NAA35: variants seen among roughly 807,000 people sequenced by gnomAD.
NAA35 encodes MAK10 homolog, amino-acid N-acetyltransferase subunit.
A neutral mutation model predicts 101.7 loss-of-function variants in NAA35; 18 were observed. The ratio of observed to expected loss-of-function variants is 0.18; its 90% CI spans 0.12 to 0.26. The LOEUF is 0.26. Among genes scored for constraint, NAA35 ranks in the 10% least tolerant of loss-of-function variants. The pLI, the probability that NAA35 is intolerant of heterozygous loss-of-function variation, is 1.00. For synonymous variants in NAA35, 267 were observed against 273.1 expected (o/e 0.98, Z 0.22); for missense variants, 601 against 886.8 (o/e 0.68, Z 4.09).
At chr9:85,973,379 T>C (rs934002696) in intron 6 of NAA35, among the ~76,000 whole-genome samples, 6 of 152,180 alleles carry the variant, frequency 3.9e-5, no homozygotes, top group African/African-American at 1.4e-4. Context: ...ATATAAATTA[T>C]AGCAGGGACT....
intron 6 of NAA35, among the ~76,000 whole-genome samples, chr9:85,974,328 T>A (rs1256457358): frequency 5.3e-5 from 8 of 152,140 alleles, no homozygotes; most frequent in Non-Finnish European, 8.8e-5. Flanking sequence ...GACTTGTTAA[T>A]CAAATCAGCC....
chr9:85,948,775 G>T (rs772191235), intron 2 of NAA35, among the ~76,000 whole-genome samples: 22 of 150,674 alleles, frequency 1.5e-4, no homozygotes, highest in Non-Finnish European at 2.8e-4. Context: ...ATTTTTTTTT[G>T]ATGTGGAGTT....
intron 2 of NAA35, among the ~76,000 whole-genome samples, chr9:85,948,819 A>G (rs192631747): frequency 6.6e-6 from 1 of 151,922 alleles, no homozygotes; most frequent in Admixed American, 6.5e-5. Flanking sequence ...GTGCAATGGC[A>G]TGATCTCGGT....
rs79164669 is a variant in NAA35 at position 86,014,829 on chromosome 9, C to T, written c.1568+932C>T. On this transcript the variant is annotated intron_variant, in intron 17 of 22. Coordinates refer to ENST00000361671, the MANE Select transcript of NAA35 (RefSeq NM_024635.4). The stretch of plus-strand genomic sequence containing the variant: ...ATAATTTTCCTTGCTATATATTCTT[C>T]AACATTTATATAGATAATACCAAAT... Among the ~76,000 whole-genome samples the T allele has an allele frequency of 3.2e-3, 494 of 152,298 alleles. 8 individuals are homozygous for T. In the East Asian group the frequency reaches 0.033, roughly 10 times the overall value.
chr9:85,986,570 T>G lies in NAA35; in HGVS notation c.877+8189T>G, dbSNP rs570546049. ...ACTCTAAGCTTGTTTTTTGCCAATG[T>G]GTAGATCAGAGGTGTCCAATCTTTT... On this transcript the variant is annotated intron_variant, in intron 11 of 22. Transcript: ENST00000361671. 20 of 396,164 alleles carry G rather than the reference T, an allele frequency of 5.0e-5. No homozygotes were observed. In the East Asian group the frequency reaches 8.5e-4, roughly 17 times the overall value. 24.5% of individuals were successfully genotyped at this position (396,164 alleles called of 1,614,324 possible).
chr9:85,981,443 T>A (rs1161949556), intron 11 of NAA35, among the ~76,000 whole-genome samples: 1 of 152,228 alleles, frequency 6.6e-6, no homozygotes, highest in African/African-American at 2.4e-5. Context: ...CATGTCTGAC[T>A]ACTCCTGGGC....
chr9:85,974,101 T>C (rs977438084), intron 6 of NAA35, among the ~76,000 whole-genome samples: 1 of 152,016 alleles, frequency 6.6e-6, no homozygotes, highest in Non-Finnish European at 1.5e-5. Context: ...GGATTACAGA[T>C]ACATGCCACC....
chr9:86,013,405 A>G (rs1052452644), intron 16 of NAA35, among the ~76,000 whole-genome samples: 2 of 152,234 alleles, frequency 1.3e-5, no homozygotes. Context: ...ACAAGCTTAC[A>G]TTATAAAAAA....
chr9:86,007,565 C>T, intron 14 of NAA35, 101 bp downstream of exon 14: 1 of 767,854 alleles, frequency 1.3e-6, no homozygotes, highest in East Asian at 2.6e-5. Context: ...AAATTGGGAC[C>T]AAATCTCCAT....
chr9:86,017,119 C>A (rs1022706388), intron 18 of NAA35, among the ~76,000 whole-genome samples: 1 of 152,234 alleles, frequency 6.6e-6, no homozygotes, highest in African/African-American at 2.4e-5. Flanking sequence ...CTATTGATCA[C>A]TTAGGGAAGG....
chr9:86,018,405 C>A lies in NAA35; in HGVS notation c.1914+10C>A, dbSNP rs1323039305. On this transcript the variant is annotated intron_variant, in intron 20 of 22. Transcript: ENST00000361671. ...CTACTTACAGTTCAAGGTGAACCTGCTCAATGAACTTGTTATGAAATCTTT... is the reference window on the plus strand; with the variant it reads ...CTACTTACAGTTCAAGGTGAACCTGATCAATGAACTTGTTATGAAATCTTT... 1.2e-6 allele frequency: 2 copies of A among 1,601,410 alleles called. No individual in the cohort carries two copies. Among genetic ancestry groups the A allele is most frequent in the Non-Finnish European group, 1.7e-6 (2 of 1,171,876 alleles).
chr9:85,941,601 C>G (rs1360525647), intron 1 of NAA35: 1 of 986,078 alleles, frequency 1.0e-6, no homozygotes, highest in African/African-American at 1.7e-5. Flanking sequence ...GTGTGCCCGC[C>G]TCAGGTGTGC....
intron 2 of NAA35, among the ~76,000 whole-genome samples, chr9:85,955,360 A>ATATATATTTTTTT (rs749448250): frequency 1.9e-5 from 1 of 53,932 alleles, no homozygotes; most frequent in Non-Finnish European, 3.0e-5. Context: ...ATATATATAT[A>ATATATATTTTTTT]TTTTTTTTTT....
chr9:85,945,853 T>C (rs943994585), intron 2 of NAA35, among the ~76,000 whole-genome samples: 2 of 152,168 alleles, frequency 1.3e-5, no homozygotes, highest in Non-Finnish European at 2.9e-5. Flanking sequence ...CACAAAATAG[T>C]TGGCATACTG....
intron 11 of NAA35, among the ~76,000 whole-genome samples, chr9:85,989,328 G>A (rs937220154): frequency 9.2e-5 from 14 of 151,980 alleles, no homozygotes; most frequent in Non-Finnish European, 1.6e-4. Flanking sequence ...AAAATTAGCT[G>A]GGCGTGGTAG....
At chr9:85,959,512 A>T (rs79782145) in intron 4 of NAA35, among the ~76,000 whole-genome samples, 2,126 of 151,990 alleles carry the variant, frequency 0.014, 51 homozygotes, top group African/African-American at 0.046. Context: ...TTTTCATTTT[A>T]TATAAAGGCC....
intron 6 of NAA35, 78 bp from the exon 7 acceptor site, chr9:85,974,889 A>G: frequency 1.0e-6 from 1 of 972,466 alleles, no homozygotes; most frequent in Non-Finnish European, 1.6e-6. Flanking sequence ...TAAGAGAAAT[A>G]TAAAGAAAAG....
At chr9:86,021,856 G>C (rs769551225) in intron 22 of NAA35, 45 bp from the exon 23 acceptor site, 3 of 1,429,198 alleles carry the variant, frequency 2.1e-6, no homozygotes, top group Non-Finnish European at 2.0e-6. Context: ...TGTACCATCT[G>C]AATATTTGTA....
At chr9:85,941,916 C>T in intron 1 of NAA35, 1 of 1,222,150 alleles carries the variant, frequency 8.2e-7, no homozygotes. Flanking sequence ...AGTAGGAAGG[C>T]AAAATGTTTA....
Sources: gnomAD v4.1 joint callset for allele counts (sites outside exome capture counted in the v4.1 genomes callset) on GRCh38, gnomAD v4.1.1 for gene constraint, MANE v1.5 for transcripts, NCBI Gene and HGNC (gene_info 2026-07-23, HGNC 2026-07-21) for gene names.